The following KIF1B variants were observed in gnomAD, a reference collection of about 807,000 sequenced individuals.
The protein encoded by KIF1B is kinesin family member 1B.
KIF1B carries 76 observed loss-of-function variants against 241.9 expected under a neutral mutation model. That is an observed-to-expected ratio of 0.31 (90% confidence interval 0.26 to 0.38). KIF1B has a LOEUF of 0.38. Ranked by LOEUF, KIF1B falls within the 10% of genes least tolerant of loss-of-function variation. The pLI is 1.00. For synonymous variants in KIF1B, 750 were observed against 796.7 expected, an observed-to-expected ratio of 0.94 and a Z score of 0.99; for missense variants, 1,622 against 2,271.4, an observed-to-expected ratio of 0.71 and a Z score of 5.81.
chr1:10,220,678 T>C (rs1297641712), intron 1 of KIF1B, among the ~76,000 whole-genome samples: 4 of 152,104 alleles, frequency 2.6e-5, no homozygotes, highest in African/African-American at 9.7e-5. Context: ...CTTTTCTTTT[T>C]TGAGACAGAG....
chr1:10,378,144 G>T lies in KIF1B; in HGVS notation c.*1557G>T, dbSNP rs1569938838. 6.8e-6 allele frequency: 4 copies of T among 587,704 alleles called. No homozygotes were observed. Among genetic ancestry groups the T allele is most frequent in the Non-Finnish European group, 1.2e-5 (4 of 329,982 alleles). 36.4% of individuals were successfully genotyped at this position (587,704 alleles called of 1,614,324 possible). ...CAAATGTGGCAGGCTTTGCTTTCTG[G>T]ATCCCAGGATTAAAACTAACCGTGA... On this transcript the variant is annotated 3_prime_UTR_variant, in exon 49 of 49. Coordinates refer to ENST00000676179, the MANE Select transcript of KIF1B (RefSeq NM_001365951.3).
At chr1:10,219,929 G>A (rs1029820888) in intron 1 of KIF1B, among the ~76,000 whole-genome samples, 8 of 151,064 alleles carry the variant, frequency 5.3e-5, no homozygotes, top group East Asian at 4.0e-4. Flanking sequence ...GTGGATGGGC[G>A]CGGTGGTTCA....
chr1:10,320,327 T>G (rs1438812798), intron 23 of KIF1B, among the ~76,000 whole-genome samples, 191 bp downstream of exon 23: 1 of 152,154 alleles, frequency 6.6e-6, no homozygotes, highest in Non-Finnish European at 1.5e-5. Flanking sequence ...TTTTATGAGG[T>G]GGGGATGGGA....
intron 38 of KIF1B, among the ~76,000 whole-genome samples, chr1:10,359,507 A>G (rs1248757589): frequency 2.0e-5 from 3 of 152,242 alleles, no homozygotes; most frequent in African/African-American, 7.2e-5. Context: ...AATGTCAATT[A>G]GAGTTAATGT....
At chr1:10,336,606 T>C in intron 28 of KIF1B, 51 bp from the exon 29 acceptor site, 2 of 1,400,764 alleles carry the variant, frequency 1.4e-6, no homozygotes, top group Non-Finnish European at 2.0e-6. Context: ...TTTCCCTCCC[T>C]CCCCCTGTGT....
At position 10,381,597 on chromosome 1, in the gene KIF1B, A is replaced by C. The variant is rs2102372417; in HGVS notation, c.*5010A>C. The C allele has an allele frequency of 5.2e-6, 1 of 191,368 alleles. No individual in the cohort carries two copies. Among genetic ancestry groups the C allele is most frequent in the African/African-American group, 2.3e-5 (1 of 43,104 alleles). The allele number at this position is 191,368 out of a possible 1,614,324, so 11.9% of individuals were successfully genotyped here. ...AAAATAATAAAGGTACAGCCAGTGC[A>C]TCAGAAGGTTCTCGATGTGCATTTA... On this transcript the variant is annotated 3_prime_UTR_variant, in exon 49 of 49. Transcript: ENST00000676179.
In KIF1B at chr1:10,361,789, G is replaced by C; in HGVS notation, c.4268G>C (p.Ser1423Thr). Residue 1423 changes from serine to threonine, a missense_variant, in exon 40 of 49, where the codon AGC (serine) becomes ACC (threonine). Ser to Thr is a moderately conservative substitution (Grantham distance 58). Around this residue, in one of 7 missense-constraint regions of KIF1B, gnomAD observed 803 missense variants for 1,112.0 expected, o/e 0.72. Coordinates refer to ENST00000676179, the MANE Select transcript of KIF1B (RefSeq NM_001365951.3). ...ATCTCACCACCACGCTCTCTGCGTA[G>C]CCTCTTTGGCAGCGGCTACTCAAAG... is the stretch of plus-strand genomic sequence containing the variant. ...AKISPPRSLR[S>T]LFGSGYSKSP... 6.2e-7 allele frequency: 1 copy of C among 1,614,132 alleles called. No homozygotes were observed. The highest frequency in any genetic ancestry group is 8.5e-7 in the Non-Finnish European group (1 of 1,180,044).
chr1:10,286,236 C>T (rs139514704), intron 15 of KIF1B, among the ~76,000 whole-genome samples: 2,626 of 152,226 alleles, frequency 0.017, 86 homozygotes, highest in African/African-American at 0.06. Flanking sequence ...GACGGGGTTT[C>T]GCCATGTTGG....
chr1:10,307,030 T>C (rs1650865549), intron 22 of KIF1B: 2 of 1,039,968 alleles, frequency 1.9e-6, no homozygotes, highest in Non-Finnish European at 2.3e-6. Context: ...TCCAAAGAAT[T>C]GGGTTTATAT....
chr1:10,366,099 C>T (rs894927338), intron 43 of KIF1B, among the ~76,000 whole-genome samples: 3 of 151,934 alleles, frequency 2.0e-5, no homozygotes, highest in Admixed American at 6.6e-5. Flanking sequence ...GGCGTGGTGG[C>T]GAGCGCCTGT....
Position 10,310,630 on chromosome 1 carries a change from T to C in KIF1B, c.2116-9413T>C, listed in dbSNP as rs112043827. On this transcript the variant is annotated intron_variant, in intron 22 of 48. Transcript: ENST00000676179. ...AGAAGATAGCTACTTCTGATAAATA[T>C]TTATCTAAAAGATCAGTATGTGACT... 1.6e-3 allele frequency among the ~76,000 whole-genome samples: 244 copies of C among 150,564 alleles called. 13 individuals carry two copies. The highest frequency in any genetic ancestry group is 5.9e-3 in the African/African-American group (235 of 40,112).
intron 10 of KIF1B, 128 bp from the exon 11 acceptor site, chr1:10,275,300 G>T: frequency 1.5e-6 from 1 of 654,956 alleles, no homozygotes. Context: ...AACTATGAAT[G>T]ATAAACTTCC....
chr1:10,268,625 CTTT>C (rs5772405), intron 7 of KIF1B, among the ~76,000 whole-genome samples: 12 of 130,026 alleles, frequency 9.2e-5, no homozygotes, highest in Admixed American at 1.5e-4. Flanking sequence ...TATGTGTATT[CTTT>C]TTTTTTTTTT....
In KIF1B at chr1:10,345,910, C is replaced by T. The variant is rs369250279; in HGVS notation, c.3754C>T (p.Leu1252Phe). The T allele has an allele frequency of 1.3e-5, 21 of 1,614,008 alleles. 1 individual carries two copies. The highest frequency in any genetic ancestry group is 1.8e-5 in the Non-Finnish European group (21 of 1,179,976). The change falls in exon 35 of 49, where the codon CTC becomes TTC. Residue 1252 changes from leucine to phenylalanine, a missense_variant. This residue lies in a region of KIF1B where 803 missense variants were observed against 1,112.0 expected (regional missense o/e 0.72). Transcript: ENST00000676179. ...TGGCCAGAGCATGAGCAAGTATGAC[C>T]TCCTGGTTTGGTTTGAGATCAGTGA... is the stretch of plus-strand genomic sequence containing the variant. ...SLGQSMSKYD[L>F]LVWFEISELE... is the part of the protein sequence containing the mutation.
At position 10,374,397 on chromosome 1, in the gene KIF1B, A is replaced by G. The variant is rs761529721; in HGVS notation, c.5028A>G (p.Pro1676=). 2.0e-5 allele frequency: 32 copies of G among 1,614,086 alleles called. No individual in the cohort carries two copies. The highest frequency in any genetic ancestry group is 4.5e-5 in the East Asian group (2 of 44,894). ...QFQIVPAVET[P]YLARAGKNEF... ...AGATTGTCCCAGCTGTGGAAACACC[A>G]TATTTGGCCCGAGCAGGAAAAAACG... is the stretch of plus-strand genomic sequence containing the variant. Residue 1676 remains proline (P), a synonymous_variant, in exon 46 of 49, where the codon CCA becomes CCG. Transcript: ENST00000676179. This position sits in a 1 kb window ranked among gnomAD's most constrained non-coding sequence, Gnocchi z 4.3.
Position 10,336,860 on chromosome 1 carries a change from C to A in KIF1B, c.3129+118C>A, listed in dbSNP as rs942995199. On this transcript the variant is annotated intron_variant, in intron 29 of 48. Coordinates refer to ENST00000676179, the MANE Select transcript of KIF1B (RefSeq NM_001365951.3). ...GGGTGCTGGTTGCCACAGAGTAGTT[C>A]AATAGAATATGGGACATGTCTAACA... 1.5e-5 allele frequency: 17 copies of A among 1,100,640 alleles called. No homozygotes were observed. The African/African-American group carries it at 2.5e-4, about 16-fold the overall frequency. The allele number at this position is 1,100,640 out of a possible 1,614,324, so 68.2% of individuals were successfully genotyped here. A position where few individuals can be genotyped will look rare whatever the true frequency, so the allele number is the denominator to read the frequency against.
At chr1:10,358,016 A>G (rs1638304269) in intron 38 of KIF1B, among the ~76,000 whole-genome samples, 1 of 151,578 alleles carries the variant, frequency 6.6e-6, no homozygotes, top group African/African-American at 2.4e-5. Flanking sequence ...TCTCAGAAAA[A>G]TAAATAAATA....
chr1:10,370,643 A>AAAT (rs200343928), intron 44 of KIF1B, among the ~76,000 whole-genome samples: 6,719 of 147,898 alleles, frequency 0.045, 442 homozygotes, highest in African/African-American at 0.14. Context: ...TCGAGAAAGA[A>AAAT]AATAATAATA....
Position 10,334,510 on chromosome 1 carries a change from C to T in KIF1B, c.2925-10C>T. ...TGTTCTGACATTTGTCTCCTGGTTT[C>T]TGTCTTTAGGGCATTTGTTTACCTG... On this transcript the variant is annotated splice_polypyrimidine_tract_variant and intron_variant, in intron 27 of 48. Coordinates refer to ENST00000676179, the MANE Select transcript of KIF1B (RefSeq NM_001365951.3). 1 of 1,596,892 alleles carries T rather than the reference C, an allele frequency of 6.3e-7. No homozygotes were observed. Among genetic ancestry groups the T allele is most frequent in the Admixed American group, 1.7e-5 (1 of 59,992 alleles).
Sources: allele counts gnomAD v4.1 joint callset (sites outside exome capture counted in the v4.1 genomes callset), GRCh38; gene constraint gnomAD v4.1.1; regional missense constraint gnomAD v4.1.1; non-coding constraint Gnocchi (gnomAD v3.1); transcripts MANE v1.5; gene names NCBI Gene and HGNC (gene_info 2026-07-23, HGNC 2026-07-21).